The following RAB31 variants were observed in gnomAD, a reference collection of about 807,000 sequenced individuals.
RAB31 encodes RAB31, member RAS oncogene family, also known as ras-related protein Rab-31.
Under a neutral mutation model 25.6 loss-of-function variants are expected in RAB31, and 21 were observed. That is an observed-to-expected ratio of 0.82 (90% CI 0.58 to 1.18). The LOEUF (loss-of-function observed/expected upper bound fraction) is 1.18, where lower values mean the gene tolerates loss of function less well. Ranked by LOEUF, RAB31 falls within the 50% of genes most tolerant of loss-of-function variation. RAB31 has a pLI of 0.00. For missense variants in RAB31, 196 were observed against 250.1 expected (o/e 0.78, Z 1.46); for synonymous variants, 87 against 84.0 (o/e 1.04, Z -0.20).
At chr18:9,745,123 T>C (rs2068199027) in intron 1 of RAB31, among the ~76,000 whole-genome samples, 1 of 152,094 alleles carries the variant, frequency 6.6e-6, no homozygotes, top group African/African-American at 2.4e-5. Flanking sequence ...AAATGGGACA[T>C]TACTACTGAC....
intron 5 of RAB31, among the ~76,000 whole-genome samples, chr18:9,837,011 T>C (rs1046522190): frequency 2.0e-5 from 3 of 150,308 alleles, no homozygotes; most frequent in African/African-American, 7.4e-5. Flanking sequence ...GGAGAGTCTG[T>C]GTGTGTGGAA....
chr18:9,723,504 A>C (rs1000198231), intron 1 of RAB31: 2 of 152,212 alleles, frequency 1.3e-5, no homozygotes, highest in African/African-American at 4.8e-5. Context: ...ATTATTTTTC[A>C]TAGATTAATC....
chr18:9,809,230 C>G (rs969147208), intron 3 of RAB31, among the ~76,000 whole-genome samples: 3 of 152,190 alleles, frequency 2.0e-5, no homozygotes, highest in African/African-American at 7.2e-5. Context: ...TCTGACCCCA[C>G]CCACTGCACC....
intron 3 of RAB31, among the ~76,000 whole-genome samples, chr18:9,809,701 T>C (rs2267561): frequency 0.081 from 12,386 of 152,322 alleles, 717 homozygotes; most frequent in East Asian, 0.23. Flanking sequence ...ATGTGTCCAT[T>C]CTTTAATTGT....
intron 1 of RAB31, among the ~76,000 whole-genome samples, chr18:9,747,472 G>C (rs542014517): frequency 1.3e-5 from 2 of 152,310 alleles, no homozygotes; most frequent in Non-Finnish European, 2.9e-5. Context: ...AAATGTCTAT[G>C]ATGAATGGAT....
chr18:9,814,113 T>G, intron 4 of RAB31, 22 bp downstream of exon 4: 1 of 1,508,620 alleles, frequency 6.6e-7, no homozygotes, highest in South Asian at 1.2e-5. Context: ...TCCTTCAGAA[T>G]TTAGATGTCA....
intron 5 of RAB31, among the ~76,000 whole-genome samples, chr18:9,834,641 A>G (rs1464305730): frequency 3.3e-5 from 5 of 152,238 alleles, no homozygotes; most frequent in Admixed American, 3.3e-4. Context: ...AAAGTTCAAA[A>G]AAAGAATGAA....
intron 2 of RAB31, among the ~76,000 whole-genome samples, chr18:9,777,846 C>T (rs985919254): frequency 2.6e-5 from 4 of 151,372 alleles, no homozygotes; most frequent in African/African-American, 9.7e-5. Context: ...CCTCCGCCTC[C>T]CGGGTTCAAG....
chr18:9,763,103 A>G (rs905862625), intron 1 of RAB31, among the ~76,000 whole-genome samples: 4 of 152,172 alleles, frequency 2.6e-5, no homozygotes, highest in African/African-American at 9.7e-5. Flanking sequence ...CAGTTTCTTT[A>G]GGGTGGATGA....
rs532413766 is a variant in RAB31, at chr18:9,766,056, G to A, written c.40-9222G>A. 1.4e-4 allele frequency among the ~76,000 whole-genome samples: 21 copies of A among 152,288 alleles called. No individual in the cohort carries two copies. The highest frequency in any genetic ancestry group is 4.8e-4 in the African/African-American group (20 of 41,556). On this transcript the variant is annotated intron_variant, in intron 1 of 6. Transcript: ENST00000578921. The surrounding 1 kb of genome is among the most constrained non-coding windows in gnomAD (Gnocchi z 4.3). Reference sequence around the variant, plus strand: ...ATGGAATTTGTGCCATATTTCTGTGGGGTTTCTTTGAAATCGAAAAGGGAA... The same window carrying A: ...ATGGAATTTGTGCCATATTTCTGTGAGGTTTCTTTGAAATCGAAAAGGGAA...
intron 3 of RAB31, among the ~76,000 whole-genome samples, chr18:9,804,712 T>C (rs1391811351): frequency 2.6e-5 from 4 of 152,204 alleles, no homozygotes; most frequent in Non-Finnish European, 4.4e-5. Flanking sequence ...CCTGAGGCGC[T>C]GACAGCCTGT....
At chr18:9,733,909 G>T (rs1466476226) in intron 1 of RAB31, among the ~76,000 whole-genome samples, 1 of 151,980 alleles carries the variant, frequency 6.6e-6, no homozygotes, top group African/African-American at 2.4e-5. Context: ...GGGAGGGGGG[G>T]CTTGGTTGGT....
At chr18:9,813,729 G>C (rs534073940) in intron 3 of RAB31, among the ~76,000 whole-genome samples, 1 of 152,274 alleles carries the variant, frequency 6.6e-6, no homozygotes, top group East Asian at 1.9e-4. Context: ...GTGCATGCCT[G>C]TAATCCTGGC....
At chr18:9,775,668 C>T (rs1372283209) in intron 2 of RAB31, among the ~76,000 whole-genome samples, 2 of 152,196 alleles carry the variant, frequency 1.3e-5, no homozygotes, top group Admixed American at 6.5e-5. Flanking sequence ...ATATGCAGAG[C>T]AAACCCCTGA....
At chr18:9,819,799 T>A (rs1323028769) in intron 5 of RAB31, among the ~76,000 whole-genome samples, 2 of 152,120 alleles carry the variant, frequency 1.3e-5, no homozygotes, top group Non-Finnish European at 2.9e-5. Flanking sequence ...TTATTTATTC[T>A]TCTGTATTTG....
At chr18:9,859,072 G>A (rs1164890431) in intron 6 of RAB31, among the ~76,000 whole-genome samples, 156 bp from the exon 7 acceptor site, 1 of 152,158 alleles carries the variant, frequency 6.6e-6, no homozygotes, top group Non-Finnish European at 1.5e-5. Context: ...AGAAGGAAGG[G>A]AGGAAGGAAA....
At chr18:9,841,395 C>T (rs1312242296) in intron 5 of RAB31, among the ~76,000 whole-genome samples, 5 of 151,654 alleles carry the variant, frequency 3.3e-5, no homozygotes, top group African/African-American at 4.8e-5. Flanking sequence ...AAAAGTTAGC[C>T]GAGCGTGGTG....
chr18:9,824,170 ATGTAGATATGTGTG>A (rs2143094706), intron 5 of RAB31, among the ~76,000 whole-genome samples: 1 of 152,140 alleles, frequency 6.6e-6, no homozygotes, highest in Non-Finnish European at 1.5e-5. Context: ...GCAGGACAGT[ATGTAGATATGTGTG>A]TGTAGATATG....
chr18:9,765,041 C>T (rs71362101), intron 1 of RAB31, among the ~76,000 whole-genome samples: 1 of 152,070 alleles, frequency 6.6e-6, no homozygotes, highest in African/African-American at 2.4e-5. Context: ...CAACCTACGC[C>T]TCCTGGGCTC....
Sources: allele counts gnomAD v4.1 joint callset (sites outside exome capture counted in the v4.1 genomes callset), GRCh38; gene constraint gnomAD v4.1.1; non-coding constraint Gnocchi (gnomAD v3.1); transcripts MANE v1.5; gene names NCBI Gene and HGNC (gene_info 2026-07-23, HGNC 2026-07-21).